Variants in ZPBP observed in about 807,000 individuals in gnomAD.
The protein encoded by ZPBP is zona pellucida binding protein, also known as zona pellucida-binding protein 1.
In ZPBP, 26 loss-of-function variants were observed where a neutral mutation model predicts 44.8. That is an observed-to-expected ratio of 0.58 (90% CI 0.43 to 0.81). The LOEUF is 0.81. ZPBP is among the 30% of genes least tolerant of loss of function. The pLI is 0.00. For synonymous variants in ZPBP, 174 were observed against 153.2 expected (o/e 1.14, Z -1.00); for missense variants, 409 against 434.0 (o/e 0.94, Z 0.51).
intron 3 of ZPBP, among the ~76,000 whole-genome samples, chr7:50,063,599 AT>A (rs548614886): frequency 4.7e-4 from 70 of 148,600 alleles, no homozygotes; most frequent in Admixed American, 1.1e-3. Context: ...CTTGAGAACC[AT>A]TTTTTTTTTT....
At chr7:50,081,702 C>T in intron 3 of ZPBP, 72 bp downstream of exon 3, 2 of 1,559,734 alleles carry the variant, frequency 1.3e-6, no homozygotes, top group South Asian at 1.1e-5. Flanking sequence ...GTATGAGATA[C>T]AAACATTCTT....
At position 49,855,937 on chromosome 7, in the gene ZPBP, T is replaced by C. The variant is rs373194250; in HGVS notation, n.510-5423A>G. Among the ~76,000 whole-genome samples, 233 of 152,298 alleles carry C rather than the reference T, an allele frequency of 1.5e-3. 3 individuals carry two copies. The highest frequency in any genetic ancestry group is 5.4e-3 in the African/African-American group (223 of 41,546). ...AAACTGATGTTTCTTTCAGATCCAC[T>C]GAGAGACACTAAGCCCCACAGTTTG... On this transcript the variant is annotated intron_variant and non_coding_transcript_variant, in intron 2 of 2. Transcript: ENST00000465922.
chr7:49,870,463 GAT>G (rs960466089), intron 2 of ZPBP, among the ~76,000 whole-genome samples: 1 of 152,144 alleles, frequency 6.6e-6, no homozygotes, highest in Non-Finnish European at 1.5e-5. Context: ...TTAGTGTATA[GAT>G]AAGTAAATTT....
chr7:50,045,360 G>T (rs568195695), intron 4 of ZPBP, among the ~76,000 whole-genome samples: 3 of 152,144 alleles, frequency 2.0e-5, no homozygotes, highest in Non-Finnish European at 4.4e-5. Flanking sequence ...AAGTCAAATT[G>T]TCTCTGTTTG....
chr7:50,051,470 G>C (rs533718002), intron 4 of ZPBP, among the ~76,000 whole-genome samples: 1 of 152,036 alleles, frequency 6.6e-6, no homozygotes, highest in South Asian at 2.1e-4. Flanking sequence ...TCTGTTACGA[G>C]GATACATGCA....
At chr7:49,928,322 A>T (rs1794319810) in intron 1 of ZPBP, among the ~76,000 whole-genome samples, 1 of 152,168 alleles carries the variant, frequency 6.6e-6, no homozygotes, top group Non-Finnish European at 1.5e-5. Context: ...CAACACTGTC[A>T]CCAAATTTCC....
At chr7:49,920,588 C>T (rs1035903759) in intron 1 of ZPBP, 2 of 152,224 alleles carry the variant, frequency 1.3e-5, no homozygotes, top group Non-Finnish European at 1.5e-5. Context: ...GAGAGAGACT[C>T]TGCTTGGCCG....
downstream of ZPBP, among the ~76,000 whole-genome samples, chr7:49,934,868 T>G (rs1458314163): frequency 6.6e-6 from 1 of 152,160 alleles, no homozygotes; most frequent in South Asian, 2.1e-4. Flanking sequence ...AAATAAAAAC[T>G]GGGAATTATA....
At chr7:50,054,546 C>A (rs1291555559) in intron 4 of ZPBP, among the ~76,000 whole-genome samples, 1 of 151,938 alleles carries the variant, frequency 6.6e-6, no homozygotes, top group Non-Finnish European at 1.5e-5. Context: ...ATATTCAAAA[C>A]CGATAACAAT....
At chr7:49,996,428 G>T (rs1797849319) in intron 6 of ZPBP, among the ~76,000 whole-genome samples, 1 of 152,154 alleles carries the variant, frequency 6.6e-6, no homozygotes, top group Non-Finnish European at 1.5e-5. Context: ...GGGACATTTT[G>T]AGTCTTGGAA....
chr7:49,871,877 A>G (rs1310643731), intron 2 of ZPBP, among the ~76,000 whole-genome samples: 1 of 140,258 alleles, frequency 7.1e-6, no homozygotes, highest in Admixed American at 7.0e-5. Context: ...GTGCATATAT[A>G]ATGTTTTTTG....
rs1208244430 is a variant in ZPBP, at chr7:49,982,264, T to C, written c.961+1078A>G. 3.6e-5 allele frequency among the ~76,000 whole-genome samples: 4 copies of C among 111,582 alleles called. No homozygotes were observed. In the East Asian group the frequency reaches 8.9e-4, roughly 25 times the overall value. 73.2% of individuals were successfully genotyped at this position (111,582 alleles called of 152,430 possible). ...AATTATATTATATATTTATATTATATATTATATATAATTTATAATTATACA... is the reference window on the plus strand; with the variant it reads ...AATTATATTATATATTTATATTATACATTATATATAATTTATAATTATACA... On this transcript the variant is annotated intron_variant, in intron 7 of 7. Coordinates refer to ENST00000046087, the MANE Select transcript of ZPBP (RefSeq NM_007009.3).
chr7:49,999,427 T>C (rs748067400), intron 6 of ZPBP, among the ~76,000 whole-genome samples: 1 of 152,086 alleles, frequency 6.6e-6, no homozygotes, highest in African/African-American at 2.4e-5. Flanking sequence ...CAGTATAATA[T>C]TATTTGATAT....
chr7:49,963,563 C>A (rs1229104647), intron 7 of ZPBP, among the ~76,000 whole-genome samples: 1 of 151,592 alleles, frequency 6.6e-6, no homozygotes, highest in Admixed American at 6.6e-5. Context: ...CATAAGGGAA[C>A]CATTTAGGGT....
intron 4 of ZPBP, among the ~76,000 whole-genome samples, chr7:50,055,003 T>G (rs913977260): frequency 6.6e-6 from 1 of 152,192 alleles, no homozygotes; most frequent in Non-Finnish European, 1.5e-5. Context: ...TTTTAGAAAC[T>G]GAGGTTCTCA....
At chr7:50,072,668 G>A (rs993706949) in intron 3 of ZPBP, among the ~76,000 whole-genome samples, 1 of 152,168 alleles carries the variant, frequency 6.6e-6, no homozygotes, top group Non-Finnish European at 1.5e-5. Context: ...AGAAAGTAAG[G>A]GAAGAAAACA....
At chr7:49,942,243 C>A in intron 7 of ZPBP, 1 of 191,626 alleles carries the variant, frequency 5.2e-6, no homozygotes, top group Non-Finnish European at 1.1e-5. Flanking sequence ...ACCTTTTAAA[C>A]GTTACTGCTA....
chr7:49,884,758 C>G (rs150243670), intron 2 of ZPBP, among the ~76,000 whole-genome samples: 188 of 152,030 alleles, frequency 1.2e-3, no homozygotes, highest in African/African-American at 4.2e-3. Flanking sequence ...AATATTTTCA[C>G]TCATAAACGG....
At chr7:49,927,700 A>G (rs1010251367) in intron 1 of ZPBP, among the ~76,000 whole-genome samples, 17 of 152,186 alleles carry the variant, frequency 1.1e-4, no homozygotes, top group African/African-American at 4.1e-4. Flanking sequence ...CCATAAGCGT[A>G]CTCAGCAGCC....
Sources: allele counts gnomAD v4.1 joint callset (sites outside exome capture counted in the v4.1 genomes callset), GRCh38; gene constraint gnomAD v4.1.1; transcripts MANE v1.5; gene names NCBI Gene and HGNC (gene_info 2026-07-23, HGNC 2026-07-21).